Variants in AIDA observed in about 807,000 individuals in gnomAD.
The protein encoded by AIDA is axin interactor, dorsalization-associated protein.
In AIDA, 18 loss-of-function variants were observed where a neutral mutation model predicts 42.7. The observed-to-expected ratio is 0.42, with a 90% CI of 0.29 to 0.63. The LOEUF is 0.63. Among genes scored for constraint, AIDA ranks in the 20% least tolerant of loss-of-function variants. The pLI is 0.19. For synonymous variants in AIDA, 104 were observed against 122.9 expected, an observed-to-expected ratio of 0.85 and a Z score of 1.02; for missense variants, 250 against 354.1, an observed-to-expected ratio of 0.71 and a Z score of 2.36.
At position 222,684,780 on chromosome 1, in the gene AIDA, G is replaced by A. The variant is rs141628994; in HGVS notation, c.460+2150C>T. Among the ~76,000 whole-genome samples the A allele has an allele frequency of 1.5e-3, 226 of 152,274 alleles. 6 individuals are homozygous for A. In the South Asian group the frequency reaches 0.021, roughly 14 times the overall value. On this transcript the variant is annotated intron_variant, in intron 6 of 9. Transcript: ENST00000340020. ...TACATAGCAAATGGATTTAATTTAT[G>A]GTAGAAGTTCCTTTTCAACTTAGCA...
At chr1:222,687,982 G>T (rs967521785) in intron 4 of AIDA, among the ~76,000 whole-genome samples, 1 of 152,102 alleles carries the variant, frequency 6.6e-6, no homozygotes, top group Non-Finnish European at 1.5e-5. Context: ...CAGAAAAAGA[G>T]AATGCCTCCT....
At chr1:222,702,215 G>A (rs573549115) in intron 2 of AIDA, among the ~76,000 whole-genome samples, 14 of 152,158 alleles carry the variant, frequency 9.2e-5, no homozygotes, top group Admixed American at 5.9e-4. Context: ...TCAAATGAAC[G>A]TAGATGAATA....
chr1:222,673,632 G>C (rs1052431423), intron 7 of AIDA, among the ~76,000 whole-genome samples, 197 bp from the exon 8 acceptor site: 1 of 151,900 alleles, frequency 6.6e-6, no homozygotes, highest in South Asian at 2.1e-4. Context: ...AAAAAAATTA[G>C]CCGGGTGTGG....
At chr1:222,678,206 T>G (rs964513460) in intron 6 of AIDA, among the ~76,000 whole-genome samples, 2 of 100,732 alleles carry the variant, frequency 2.0e-5, no homozygotes, top group East Asian at 4.8e-4. Context: ...TTGGGGTGTG[T>G]GTGTGTGTGT....
intron 6 of AIDA, among the ~76,000 whole-genome samples, chr1:222,676,758 C>T (rs962836480): frequency 5.3e-5 from 8 of 151,928 alleles, no homozygotes; most frequent in African/African-American, 1.7e-4. Flanking sequence ...CAGGTTCAAG[C>T]GATCCTCCCA....
At chr1:222,704,271 C>T (rs1169804748) in intron 1 of AIDA, among the ~76,000 whole-genome samples, 1 of 152,088 alleles carries the variant, frequency 6.6e-6, no homozygotes, top group Non-Finnish European at 1.5e-5. Flanking sequence ...TTTGGCCATT[C>T]CTCAAAAAGT....
rs769887820 is a variant in AIDA, at chr1:222,670,013, T to C, written c.825-24A>G. 15 of 1,613,648 alleles carry C rather than the reference T, an allele frequency of 9.3e-6. No individual in the cohort carries two copies. The East Asian group carries it at 2.0e-4, about 22-fold the overall frequency. ...ATCTGTAATCACAACAGAAAGACCA[T>C]TGTTTAAAATACATTGATAACTGAA... On this transcript the variant is annotated intron_variant, in intron 9 of 9. Coordinates refer to ENST00000340020, the MANE Select transcript of AIDA (RefSeq NM_022831.4).
intron 2 of AIDA, 106 bp downstream of exon 2, chr1:222,703,042 C>T (rs1655751479): frequency 2.6e-6 from 2 of 781,592 alleles, no homozygotes; most frequent in Admixed American, 3.3e-5. Flanking sequence ...TTAAGTATAA[C>T]AGTTTTTTGT....
At chr1:222,698,214 TAAG>T (rs1655575355) in intron 2 of AIDA, among the ~76,000 whole-genome samples, 1 of 152,130 alleles carries the variant, frequency 6.6e-6, no homozygotes, top group South Asian at 2.1e-4. Flanking sequence ...CTGAGAATAT[TAAG>T]AATTTAAAAA....
At chr1:222,694,295 A>G in intron 2 of AIDA, 32 bp from the exon 3 acceptor site, 1 of 1,561,332 alleles carries the variant, frequency 6.4e-7, no homozygotes, top group Non-Finnish European at 8.8e-7. Flanking sequence ...TATAAATACC[A>G]GAATTATCAT....
At chr1:222,689,481 G>GTATATA (rs1183093082) in intron 4 of AIDA, among the ~76,000 whole-genome samples, 382 of 35,230 alleles carry the variant, frequency 0.011, 4 homozygotes, top group Non-Finnish European at 0.017. Context: ...GTGTGTGTGT[G>GTATATA]TATATATATA....
rs568024206 is a variant in AIDA, at chr1:222,671,266, TC to T, written c.707-1017del. ...AATAAGAAATTTAGACGGTCCTATG[TC>T]CCCAAAGTCCAACAGATAAACTCTT... is the stretch of plus-strand genomic sequence containing the variant. On this transcript the variant is annotated intron_variant, in intron 8 of 9. Transcript: ENST00000340020. 5.9e-4 allele frequency among the ~76,000 whole-genome samples: 90 copies of T among 151,948 alleles called. No homozygotes were observed. In the East Asian group the frequency reaches 0.017, roughly 29 times the overall value.
chr1:222,711,498 G>A (rs1656035842), intron 1 of AIDA: 1 of 152,240 alleles, frequency 6.6e-6, no homozygotes, highest in Middle Eastern at 3.4e-3. Context: ...CATCCTGCGC[G>A]GACTCCACCC....
chr1:222,682,427 T>C (rs1448822767), intron 6 of AIDA, among the ~76,000 whole-genome samples: 1 of 152,228 alleles, frequency 6.6e-6, no homozygotes, highest in East Asian at 1.9e-4. Context: ...TCACAGGCAC[T>C]GGTACTTCAA....
intron 2 of AIDA, among the ~76,000 whole-genome samples, chr1:222,697,242 T>C (rs1018342142): frequency 5.9e-5 from 9 of 151,568 alleles, no homozygotes; most frequent in Non-Finnish European, 1.0e-4. Context: ...TGTGCCTGGC[T>C]GCAACAGTTT....
chr1:222,677,049 T>C (rs1448674367), intron 6 of AIDA, among the ~76,000 whole-genome samples: 1 of 152,140 alleles, frequency 6.6e-6, no homozygotes, highest in Non-Finnish European at 1.5e-5. Context: ...CTCTCAACTT[T>C]TTAAAGACTT....
chr1:222,707,672 A>G (rs1655879048), intron 1 of AIDA, among the ~76,000 whole-genome samples: 1 of 152,146 alleles, frequency 6.6e-6, no homozygotes, highest in Non-Finnish European at 1.5e-5. Context: ...TCACCCTACA[A>G]AGGTACCTAC....
intron 8 of AIDA, 46 bp from the exon 9 acceptor site, chr1:222,670,296 T>C (rs1664422903): frequency 2.7e-6 from 4 of 1,472,594 alleles, no homozygotes; most frequent in Non-Finnish European, 2.8e-6. Context: ...AGCACATTTC[T>C]TGTGTGTCAA....
chr1:222,684,838 C>T (rs1372003372), intron 6 of AIDA, among the ~76,000 whole-genome samples: 1 of 152,200 alleles, frequency 6.6e-6, no homozygotes, highest in African/African-American at 2.4e-5. Flanking sequence ...AATCTGCCCA[C>T]TTCATGATTT....
Sources: gnomAD v4.1 joint callset for allele counts (sites outside exome capture counted in the v4.1 genomes callset) on GRCh38, gnomAD v4.1.1 for gene constraint, MANE v1.5 for transcripts, NCBI Gene and HGNC (gene_info 2026-07-23, HGNC 2026-07-21) for gene names.